UBE4B: variants seen among roughly 807,000 people sequenced by gnomAD.
UBE4B encodes ubiquitination factor E4B, also known as ubiquitin conjugation factor E4 B.
A neutral mutation model predicts 148.1 loss-of-function variants in UBE4B; 27 were observed. The observed-to-expected ratio is 0.18, with a 90% CI of 0.13 to 0.25. UBE4B has a LOEUF of 0.25. UBE4B is among the 10% of genes least tolerant of loss of function. UBE4B has a pLI of 1.00. For missense variants in UBE4B, 1,170 were observed against 1,662.4 expected (o/e 0.70, Z 5.15); for synonymous variants, 596 against 619.3 (o/e 0.96, Z 0.56).
At chr1:10,121,645 C>T (rs957656383) in intron 9 of UBE4B, among the ~76,000 whole-genome samples, 1 of 152,134 alleles carries the variant, frequency 6.6e-6, no homozygotes, top group African/African-American at 2.4e-5. Flanking sequence ...CCTCCCACCT[C>T]AGCCTGCCAA....
rs2038353 is a variant in UBE4B, at chr1:10,169,742, C to T, written c.3334-1396C>T. On this transcript the variant is annotated intron_variant, in intron 24 of 27. Transcript: ENST00000343090. Reference sequence around the variant, plus strand: ...GAAGTACCTGGCATAAGGCCAAGCACGGTGGCTCATGCCTGTAATCCCAGC... The same window carrying T: ...GAAGTACCTGGCATAAGGCCAAGCATGGTGGCTCATGCCTGTAATCCCAGC... Among the ~76,000 whole-genome samples the T allele has an allele frequency of 3.9e-3, 592 of 152,338 alleles. 4 individuals carry two copies. Among genetic ancestry groups the T allele is most frequent in the African/African-American group, 0.013 (538 of 41,584 alleles).
chr1:10,120,886 CATTT>C (rs1645399066), intron 9 of UBE4B, among the ~76,000 whole-genome samples: 1 of 152,010 alleles, frequency 6.6e-6, no homozygotes, highest in African/African-American at 2.4e-5. Flanking sequence ...CATAACATTA[CATTT>C]ATTTATTCTA....
chr1:10,067,846 G>C (rs1644415246), intron 1 of UBE4B, among the ~76,000 whole-genome samples: 1 of 151,870 alleles, frequency 6.6e-6, no homozygotes, highest in African/African-American at 2.4e-5. Flanking sequence ...TCCTGCCTCA[G>C]CTTCCCGAGT....
At chr1:10,126,983 A>G (rs1645511058) in intron 11 of UBE4B, 106 bp downstream of exon 11, 1 of 1,002,016 alleles carries the variant, frequency 1.0e-6, no homozygotes, top group Admixed American at 2.1e-5. Context: ...CTTGTTTTCA[A>G]ATTTAAAACA....
intron 1 of UBE4B, among the ~76,000 whole-genome samples, chr1:10,060,532 G>T (rs750469987): frequency 1.9e-4 from 29 of 152,202 alleles, no homozygotes; most frequent in Non-Finnish European, 8.8e-5. Context: ...TTCCCCAGGA[G>T]AGCTGGTTCC....
intron 11 of UBE4B, 71 bp from the exon 12 acceptor site, chr1:10,129,321 G>A: frequency 6.8e-7 from 1 of 1,462,698 alleles, no homozygotes; most frequent in Non-Finnish European, 9.5e-7. Flanking sequence ...AGTTAAAACT[G>A]TTTCTTTATG....
At chr1:10,130,896 G>T in intron 14 of UBE4B, 83 bp downstream of exon 14, 1 of 1,243,910 alleles carries the variant, frequency 8.0e-7, no homozygotes, top group South Asian at 1.2e-5. Context: ...ACTGGACTAT[G>T]CCCAGTAGAC....
chr1:10,173,614 G>C (rs1213107613), intron 25 of UBE4B, among the ~76,000 whole-genome samples: 6 of 152,158 alleles, frequency 3.9e-5, no homozygotes, highest in Non-Finnish European at 2.9e-5. Flanking sequence ...AAAGAAAAGG[G>C]AAGCACTTAC....
chr1:10,131,442 G>A (rs569845950), intron 14 of UBE4B, among the ~76,000 whole-genome samples: 159 of 152,094 alleles, frequency 1.0e-3, no homozygotes, highest in African/African-American at 3.3e-3. Flanking sequence ...CCAAGATCAC[G>A]CCACTGCACA....
At position 10,132,581 on chromosome 1, in the gene UBE4B, A is replaced by C. The variant is rs1275046945; in HGVS notation, c.2025+99A>C. ...CAGGCACTGTTCTAGGAGTGGGGGTACAGTATTGAACAAGGTAGACGAGCT... is the reference window on the plus strand; with the variant it reads ...CAGGCACTGTTCTAGGAGTGGGGGTCCAGTATTGAACAAGGTAGACGAGCT... On this transcript the variant is annotated intron_variant, in intron 15 of 27. Transcript: ENST00000343090. The C allele has an allele frequency of 4.3e-6, 4 of 937,720 alleles. No individual in the cohort carries two copies. In the African/African-American group the frequency reaches 6.6e-5, roughly 15 times the overall value. 58.1% of individuals were successfully genotyped at this position (937,720 alleles called of 1,614,324 possible).
At chr1:10,087,228 A>G (rs1333713989) in intron 2 of UBE4B, among the ~76,000 whole-genome samples, 1 of 152,260 alleles carries the variant, frequency 6.6e-6, no homozygotes, top group Non-Finnish European at 1.5e-5. Context: ...AAAAATATTA[A>G]GTAAGAAGAC....
chr1:10,175,131 A>G lies in UBE4B; in HGVS notation c.3526-3513A>G, dbSNP rs1646398384. On this transcript the variant is annotated intron_variant, in intron 25 of 27. Transcript: ENST00000343090. ...CCTGGGTGAAGAGCCACTGAGCTTG[A>G]TGCTCAGGAATCTGAGGGCAGAGCT... Among the ~76,000 whole-genome samples, 4 of 152,140 alleles carry G rather than the reference A, an allele frequency of 2.6e-5. No homozygotes were observed. The South Asian group carries it at 8.3e-4, about 32-fold the overall frequency.
At chr1:10,115,334 C>T (rs1645291243) in intron 7 of UBE4B, among the ~76,000 whole-genome samples, 1 of 151,488 alleles carries the variant, frequency 6.6e-6, no homozygotes, top group South Asian at 2.1e-4. Flanking sequence ...GTTGTGTGAT[C>T]TCAGCTCACA....
intron 10 of UBE4B, among the ~76,000 whole-genome samples, chr1:10,126,397 G>T (rs753740101): frequency 2.0e-5 from 3 of 152,214 alleles, no homozygotes; most frequent in Non-Finnish European, 4.4e-5. Flanking sequence ...TTTTTAACAG[G>T]TTATAGATGC....
intron 1 of UBE4B, among the ~76,000 whole-genome samples, chr1:10,039,880 A>C (rs908304285): frequency 1.3e-5 from 2 of 152,056 alleles, no homozygotes; most frequent in Non-Finnish European, 2.9e-5. Context: ...GCTGTATAGG[A>C]GCGAGGCAGT....
At chr1:10,153,180 TGCCAG>T (rs1646006214) in intron 21 of UBE4B, among the ~76,000 whole-genome samples, 1 of 151,886 alleles carries the variant, frequency 6.6e-6, no homozygotes, top group Non-Finnish European at 1.5e-5. Flanking sequence ...GATTCTGCAG[TGCCAG>T]CCCCAGAATC....
chr1:10,044,748 A>G (rs977163708), intron 1 of UBE4B, among the ~76,000 whole-genome samples: 10 of 152,050 alleles, frequency 6.6e-5, no homozygotes, highest in African/African-American at 1.7e-4. Context: ...TGCCCGGCTA[A>G]TTTTTTGTAT....
chr1:10,067,804 T>G (rs1644414516), intron 1 of UBE4B, among the ~76,000 whole-genome samples: 1 of 152,084 alleles, frequency 6.6e-6, no homozygotes, highest in Non-Finnish European at 1.5e-5. Flanking sequence ...CTCAGCTCAC[T>G]GCAAGCTCCG....
At chr1:10,043,421 C>CTTTTTTTT (rs35513799) in intron 1 of UBE4B, among the ~76,000 whole-genome samples, 3 of 110,860 alleles carry the variant, frequency 2.7e-5, no homozygotes, top group Admixed American at 1.1e-4. Context: ...TGAGATGCTG[C>CTTTTTTTT]TTTTTTTTTT....
Sources: allele counts gnomAD v4.1 joint callset (sites outside exome capture counted in the v4.1 genomes callset), GRCh38; gene constraint gnomAD v4.1.1; transcripts MANE v1.5; gene names NCBI Gene and HGNC (gene_info 2026-07-23, HGNC 2026-07-21).